FYB1: variants seen among roughly 807,000 people sequenced by gnomAD.
The protein encoded by FYB1 is FYN binding protein 1.
A neutral mutation model predicts 94.1 loss-of-function variants in FYB1; 41 were observed. That is an observed-to-expected ratio of 0.44 (90% confidence interval 0.34 to 0.57). FYB1 has a LOEUF of 0.57. FYB1 is among the 20% of genes least tolerant of loss of function. FYB1 has a pLI of 0.02. For synonymous variants in FYB1, 367 were observed against 353.2 expected (o/e 1.04, Z -0.44); for missense variants, 1,050 against 976.8 (o/e 1.07, Z -1.00).
chr5:39,218,579 G>T (rs547460833), intron 1 of FYB1, among the ~76,000 whole-genome samples: 1 of 152,248 alleles, frequency 6.6e-6, no homozygotes, highest in East Asian at 1.9e-4. Context: ...TACTCAAAAA[G>T]TGTATATAGT....
chr5:39,110,036 C>T (rs1441162644), intron 17 of FYB1, among the ~76,000 whole-genome samples: 1 of 152,070 alleles, frequency 6.6e-6, no homozygotes, highest in Non-Finnish European at 1.5e-5. Context: ...AAGTAAAATG[C>T]AAAATATTGA....
chr5:39,129,293 T>C (rs1740969481), intron 10 of FYB1, among the ~76,000 whole-genome samples: 1 of 152,034 alleles, frequency 6.6e-6, no homozygotes, highest in South Asian at 2.1e-4. Flanking sequence ...TCTCTCACCA[T>C]ATATAAAAAT....
At chr5:39,175,267 C>T (rs10045011) in intron 2 of FYB1, among the ~76,000 whole-genome samples, 27,507 of 152,060 alleles carry the variant, frequency 0.18, 5,173 homozygotes, top group East Asian at 0.54. Flanking sequence ...AGTTGGTAGG[C>T]GTAGGGAGTT....
intron 3 of FYB1, among the ~76,000 whole-genome samples, chr5:39,148,880 ATTTG>A (rs1253699390): frequency 2.6e-5 from 4 of 152,130 alleles, no homozygotes; most frequent in East Asian, 1.9e-4. Flanking sequence ...TAACCATGTA[ATTTG>A]TTTGATATGC....
At chr5:39,258,618 C>T (rs1322107749) in intron 1 of FYB1, among the ~76,000 whole-genome samples, 3 of 151,608 alleles carry the variant, frequency 2.0e-5, no homozygotes, top group Non-Finnish European at 4.4e-5. Flanking sequence ...AACAAAACAA[C>T]AATAAGAACA....
At chr5:39,139,826 T>G (rs1742006933) in intron 4 of FYB1, 2 of 152,272 alleles carry the variant, frequency 1.3e-5, no homozygotes, top group Non-Finnish European at 2.9e-5. Flanking sequence ...GAAAATTCAG[T>G]GACATACACA....
At chr5:39,237,875 G>T (rs1168944438) in intron 1 of FYB1, among the ~76,000 whole-genome samples, 1 of 152,016 alleles carries the variant, frequency 6.6e-6, no homozygotes, top group Non-Finnish European at 1.5e-5. Flanking sequence ...CATCACTCAG[G>T]GAATGCGGAT....
At chr5:39,147,387 G>A (rs1315626796) in intron 3 of FYB1, among the ~76,000 whole-genome samples, 1 of 150,870 alleles carries the variant, frequency 6.6e-6, no homozygotes, top group Non-Finnish European at 1.5e-5. Context: ...TCCTACCACA[G>A]CCTCCCAAGT....
intron 7 of FYB1, among the ~76,000 whole-genome samples, chr5:39,136,774 G>A (rs914850669): frequency 1.3e-5 from 2 of 152,150 alleles, no homozygotes; most frequent in Admixed American, 1.3e-4. Flanking sequence ...ATACCGGGAA[G>A]TTATATATAA....
intron 10 of FYB1, among the ~76,000 whole-genome samples, chr5:39,128,178 T>C (rs971128061): frequency 1.3e-5 from 2 of 152,062 alleles, no homozygotes; most frequent in Non-Finnish European, 2.9e-5. Flanking sequence ...AAGATACTGA[T>C]CAAGACACAA....
At chr5:39,143,650 G>A (rs1742383907) in intron 3 of FYB1, among the ~76,000 whole-genome samples, 1 of 152,138 alleles carries the variant, frequency 6.6e-6, no homozygotes, top group African/African-American at 2.4e-5. Flanking sequence ...AGAGATGCTG[G>A]TTGTAAAATG....
intron 2 of FYB1, among the ~76,000 whole-genome samples, chr5:39,164,208 G>T (rs1349928532): frequency 1.3e-5 from 2 of 152,154 alleles, no homozygotes; most frequent in African/African-American, 4.8e-5. Context: ...TGTGCACTGA[G>T]CTGGGAGCAC....
intron 1 of FYB1, among the ~76,000 whole-genome samples, chr5:39,263,905 T>C (rs1752324307): frequency 6.6e-6 from 1 of 152,078 alleles, no homozygotes; most frequent in African/African-American, 2.4e-5. Context: ...ACTCCTCAGC[T>C]CAGGTGTCTC....
intron 1 of FYB1, among the ~76,000 whole-genome samples, chr5:39,238,756 T>A (rs369524258): frequency 6.6e-6 from 1 of 152,100 alleles, no homozygotes; most frequent in Non-Finnish European, 1.5e-5. Flanking sequence ...GATGGAAAGA[T>A]GATTAAGCCT....
Position 39,138,833 on chromosome 5 carries a change from C to G in FYB1, c.1360-142G>C. 4.4e-6 allele frequency: 3 copies of G among 680,334 alleles called. 1 individual carries two copies. The highest frequency in any genetic ancestry group is 8.1e-6 in the Non-Finnish European group (3 of 371,904). The allele number at this position is 680,334 out of a possible 1,614,324, so 42.1% of individuals were successfully genotyped here. On this transcript the variant is annotated intron_variant, in intron 5 of 18. Coordinates refer to ENST00000512982, the MANE Select transcript of FYB1 (RefSeq NM_001465.6). ...CATATTAAATGGTCCAGAGGAATAACTACTTAAAGGAGCCATACTGTGAAT... is the reference window on the plus strand; with the variant it reads ...CATATTAAATGGTCCAGAGGAATAAGTACTTAAAGGAGCCATACTGTGAAT...
Position 39,247,486 on chromosome 5 carries a change from T to A in FYB1, c.-28+26917A>T, listed in dbSNP as rs540889529. The stretch of plus-strand genomic sequence containing the variant: ...TGTTAGACATAAGAAGAATAAAAAT[T>A]CATAGTTTTGGCACAGTTCAGAAAA... On this transcript the variant is annotated intron_variant, in intron 1 of 1. Coordinates refer to the FYB1 transcript ENST00000510188. Among the ~76,000 whole-genome samples, 4 of 152,226 alleles carry A rather than the reference T, an allele frequency of 2.6e-5. No homozygotes were observed. In the South Asian group the frequency reaches 8.3e-4, roughly 32 times the overall value.
chr5:39,149,734 T>C (rs1743080519), intron 3 of FYB1, among the ~76,000 whole-genome samples: 2 of 152,240 alleles, frequency 1.3e-5, no homozygotes, highest in South Asian at 4.1e-4. Context: ...ACACAGTTTC[T>C]CACTGACTCC....
intron 1 of FYB1, among the ~76,000 whole-genome samples, chr5:39,250,999 A>T (rs1751689863): frequency 6.6e-6 from 1 of 152,202 alleles, no homozygotes; most frequent in Non-Finnish European, 1.5e-5. Context: ...TTTATTTGGC[A>T]ATTTAATGGT....
At chr5:39,270,865 G>T (rs1752644681) in intron 1 of FYB1, 1 of 373,198 alleles carries the variant, frequency 2.7e-6, no homozygotes, top group East Asian at 4.1e-5. Context: ...GAAGTACCTA[G>T]ATATTAAATT....
Sources: gnomAD v4.1 joint callset for allele counts (sites outside exome capture counted in the v4.1 genomes callset) on GRCh38, gnomAD v4.1.1 for gene constraint, MANE v1.5 for transcripts, NCBI Gene and HGNC (gene_info 2026-07-23, HGNC 2026-07-21) for gene names.